The following VAV3 variants were observed in gnomAD, a reference collection of about 807,000 sequenced individuals.
The protein encoded by VAV3 is guanine nucleotide exchange factor VAV3.
In VAV3, 94 loss-of-function variants were observed where a neutral mutation model predicts 131.2. The ratio of observed to expected loss-of-function variants is 0.72; its 90% CI spans 0.61 to 0.85. The LOEUF is 0.85. Among genes scored for constraint, VAV3 ranks in the 40% least tolerant of loss-of-function variants. The pLI is 0.00. For missense variants in VAV3, 939 were observed against 1,002.7 expected, an observed-to-expected ratio of 0.94 and a Z score of 0.86; for synonymous variants, 349 against 342.0, an observed-to-expected ratio of 1.02 and a Z score of -0.22.
intron 25 of VAV3, among the ~76,000 whole-genome samples, chr1:107,579,979 C>T: frequency 6.6e-6 from 1 of 152,216 alleles, no homozygotes; most frequent in East Asian, 1.9e-4. Flanking sequence ...CTCCCAGGAG[C>T]CTTCCCTGAC....
chr1:107,681,023 A>G (rs1658564112), intron 19 of VAV3, among the ~76,000 whole-genome samples: 1 of 152,168 alleles, frequency 6.6e-6, no homozygotes, highest in South Asian at 2.1e-4. Flanking sequence ...AGCACCTACT[A>G]CCCACTGGAC....
chr1:107,668,241 T>C (rs750044583), intron 19 of VAV3, among the ~76,000 whole-genome samples: 22 of 152,210 alleles, frequency 1.4e-4, no homozygotes, highest in Non-Finnish European at 2.8e-4. Context: ...TCTGATAAAG[T>C]GCACTGATTT....
chr1:107,596,836 G>C (rs1651431359), intron 24 of VAV3, among the ~76,000 whole-genome samples: 1 of 152,182 alleles, frequency 6.6e-6, no homozygotes, highest in South Asian at 2.1e-4. Flanking sequence ...AATGGTACTT[G>C]AGACTGTTTT....
chr1:107,728,303 G>C (rs1570840893), intron 15 of VAV3, among the ~76,000 whole-genome samples: 1 of 152,170 alleles, frequency 6.6e-6, no homozygotes, highest in East Asian at 1.9e-4. Flanking sequence ...AATCACCAGG[G>C]ATTAAAGGAC....
chr1:107,633,586 C>T (rs1654675206), intron 20 of VAV3, among the ~76,000 whole-genome samples: 4 of 152,280 alleles, frequency 2.6e-5, no homozygotes, highest in Admixed American at 1.3e-4. Context: ...TGGTGAACCA[C>T]ACCTCCTGGT....
In VAV3 at chr1:107,703,733, T is replaced by G. The variant is rs568172365; in HGVS notation, c.1705+817A>C. ...CCTTTGGGAAAATCAAAGGTTGACA[T>G]GGCTACCTTTTGAACTCAAGCTGTT... On this transcript the variant is annotated intron_variant, in intron 17 of 26. Coordinates refer to ENST00000370056, the MANE Select transcript of VAV3 (RefSeq NM_006113.5). 2.0e-5 allele frequency among the ~76,000 whole-genome samples: 3 copies of G among 152,362 alleles called. No homozygotes were observed. The East Asian group carries it at 5.8e-4, about 29-fold the overall frequency.
chr1:107,611,650 T>C (rs1031174345), intron 21 of VAV3, among the ~76,000 whole-genome samples: 7 of 136,992 alleles, frequency 5.1e-5, no homozygotes, highest in African/African-American at 1.9e-4. Flanking sequence ...AGGAGGAGAG[T>C]AAAGAATTTC....
At chr1:107,764,082 A>AAACAAAAAACAAAAAAC (rs1664593962) in intron 9 of VAV3, among the ~76,000 whole-genome samples, 1 of 151,846 alleles carries the variant, frequency 6.6e-6, no homozygotes, top group African/African-American at 2.4e-5. Flanking sequence ...CAGGAAAAAA[A>AAACAAAAAACAAAAAAC]AAAACAAAAA....
intron 19 of VAV3, among the ~76,000 whole-genome samples, chr1:107,681,587 T>C (rs1226725155): frequency 6.6e-6 from 1 of 152,166 alleles, no homozygotes; most frequent in African/African-American, 2.4e-5. Flanking sequence ...TGTTTGGGTT[T>C]TTTATTTCCA....
intron 12 of VAV3, among the ~76,000 whole-genome samples, chr1:107,752,784 C>A (rs989520805): frequency 6.6e-6 from 1 of 152,144 alleles, no homozygotes; most frequent in Non-Finnish European, 1.5e-5. Flanking sequence ...GGCTGTTACC[C>A]AAACAAACCG....
At chr1:107,746,345 T>A (rs1362754529) in intron 15 of VAV3, among the ~76,000 whole-genome samples, 1 of 152,150 alleles carries the variant, frequency 6.6e-6, no homozygotes, top group Non-Finnish European at 1.5e-5. Flanking sequence ...AAAAGATACT[T>A]CTACCCTCCC....
intron 15 of VAV3, among the ~76,000 whole-genome samples, chr1:107,727,342 A>G (rs894604830): frequency 9.9e-5 from 15 of 152,208 alleles, no homozygotes; most frequent in Non-Finnish European, 1.9e-4. Context: ...GATGATGAAT[A>G]TGATCTCCAC....
intron 2 of VAV3, among the ~76,000 whole-genome samples, chr1:107,853,801 T>C (rs1265030859): frequency 3.3e-5 from 5 of 152,332 alleles, no homozygotes; most frequent in Non-Finnish European, 1.5e-5. Context: ...TGTCCTTAAG[T>C]AAACCAAGAA....
intron 19 of VAV3, among the ~76,000 whole-genome samples, chr1:107,681,839 T>C (rs1015272011): frequency 6.6e-6 from 1 of 152,030 alleles, no homozygotes; most frequent in Non-Finnish European, 1.5e-5. Flanking sequence ...TGCTTGTATT[T>C]TTAGTAGAGA....
At chr1:107,790,847 C>G (rs1666253765) in intron 2 of VAV3, among the ~76,000 whole-genome samples, 1 of 151,828 alleles carries the variant, frequency 6.6e-6, no homozygotes, top group Non-Finnish European at 1.5e-5. Flanking sequence ...GCCACCACGC[C>G]CAGCTAATTT....
Position 107,573,274 on chromosome 1 carries a change from C to A in VAV3, c.*57G>T. 1 of 1,593,212 alleles carries A rather than the reference C, an allele frequency of 6.3e-7. No individual in the cohort carries two copies. The highest frequency in any genetic ancestry group is 8.6e-7 in the Non-Finnish European group (1 of 1,166,258). On this transcript the variant is annotated 3_prime_UTR_variant, in exon 27 of 27. Coordinates refer to ENST00000370056, the MANE Select transcript of VAV3 (RefSeq NM_006113.5). ...CAGTTAATTCACGATGCTGTGCAGG[C>A]TTCTATTTATCCCTTCTCTGAAATT...
chr1:107,891,838 CAAAAAAAAAAAAAA>C (rs35693360), intron 1 of VAV3, among the ~76,000 whole-genome samples: 2 of 27,926 alleles, frequency 7.2e-5, no homozygotes, highest in African/African-American at 1.0e-4. Flanking sequence ...GACTCCGTCT[CAAAAAAAAAAAAAA>C]AAAAAAAAAA....
chr1:107,853,433 T>C (rs939648131), intron 2 of VAV3, among the ~76,000 whole-genome samples: 7 of 152,224 alleles, frequency 4.6e-5, no homozygotes, highest in African/African-American at 1.7e-4. Flanking sequence ...ATATGTGTTT[T>C]GTCAGAGTTT....
intron 2 of VAV3, 83 bp from the exon 3 acceptor site, chr1:107,779,575 T>C: frequency 9.3e-7 from 1 of 1,070,868 alleles, no homozygotes; most frequent in Non-Finnish European, 1.3e-6. Context: ...CAATCTAATA[T>C]TAACCATAGC....
Sources: gnomAD v4.1 joint callset for allele counts (sites outside exome capture counted in the v4.1 genomes callset) on GRCh38, gnomAD v4.1.1 for gene constraint, MANE v1.5 for transcripts, NCBI Gene and HGNC (gene_info 2026-07-23, HGNC 2026-07-21) for gene names.